Variants in KCNC1 observed in about 807,000 individuals in gnomAD.
KCNC1 encodes potassium voltage-gated channel subfamily C member 1.
KCNC1 carries 8 observed loss-of-function variants against 43.4 expected under a neutral mutation model. The ratio of observed to expected loss-of-function variants is 0.18; its 90% confidence interval spans 0.11 to 0.33. The LOEUF is 0.33. Among genes scored for constraint, KCNC1 ranks in the 10% least tolerant of loss-of-function variants. KCNC1 has a pLI of 1.00. For synonymous variants in KCNC1, 361 were observed against 360.5 expected (o/e 1.00, Z -0.01); for missense variants, 420 against 836.0 (o/e 0.50, Z 6.14).
chr11:17,761,192 C>T (rs1256156765), intron 1 of KCNC1, among the ~76,000 whole-genome samples: 4 of 152,228 alleles, frequency 2.6e-5, no homozygotes, highest in East Asian at 1.9e-4. Flanking sequence ...GCTGCACTGG[C>T]GGTTCCCACC....
At chr11:17,754,802 A>G (rs1303330671) in intron 1 of KCNC1, among the ~76,000 whole-genome samples, 1 of 152,226 alleles carries the variant, frequency 6.6e-6, no homozygotes, top group Non-Finnish European at 1.5e-5. Flanking sequence ...AGACAGTGTC[A>G]ATGCCAACAC....
In KCNC1 at chr11:17,735,920, GC is replaced by G; in HGVS notation, c.-77del. On this transcript the variant is annotated 5_prime_UTR_variant, in exon 1 of 4. Transcript: ENST00000265969. The surrounding 1 kb of genome is among the most constrained non-coding windows in gnomAD (Gnocchi z 6.7). ...GGGGGGAGGGGGGAAGAGGGCGCGC[GC>G]CCCCCTCCCCGGCGCCAACTCCCCC... The G allele has an allele frequency of 2.2e-6, 3 of 1,361,856 alleles. No individual in the cohort carries two copies. Among genetic ancestry groups the G allele is most frequent in the Non-Finnish European group, 2.8e-6 (3 of 1,060,040 alleles). The allele number at this position is 1,361,856 out of a possible 1,614,324, so 84.4% of individuals were successfully genotyped here.
Position 17,773,180 on chromosome 11 carries a change from C to G in KCNC1, c.1504+582C>G. ...ATTCCTGCCCTGATTTCGGGCTGCC[C>G]AGCTCGAGGTCCTTCCCAGGAGACG... On this transcript the variant is annotated intron_variant, in intron 2 of 3. Coordinates refer to ENST00000265969, the MANE Select transcript of KCNC1 (RefSeq NM_001112741.2). The surrounding 1 kb of genome is among the most constrained non-coding windows in gnomAD (Gnocchi z 4.1). 9.1e-6 allele frequency: 9 copies of G among 986,728 alleles called. No individual in the cohort carries two copies. Among genetic ancestry groups the G allele is most frequent in the Non-Finnish European group, 1.1e-5 (9 of 830,930 alleles). 61.1% of individuals were successfully genotyped at this position (986,728 alleles called of 1,614,324 possible).
rs1003734672 is a variant in KCNC1 at position 17,742,635 on chromosome 11, T to C, written c.570+6063T>C. Among the ~76,000 whole-genome samples the C allele has an allele frequency of 6.6e-6, 1 of 152,132 alleles. No individual in the cohort carries two copies. The highest frequency in any genetic ancestry group is 1.5e-5 in the Non-Finnish European group (1 of 68,014). ...TCCTTATTCAGGGGAACCATTTAGG[T>C]GGTAGGGACCACTTCACATATGCAT... On this transcript the variant is annotated intron_variant, in intron 1 of 3. Transcript: ENST00000265969. The surrounding 1 kb of genome is among the most constrained non-coding windows in gnomAD (Gnocchi z 4.2).
intron 1 of KCNC1, among the ~76,000 whole-genome samples, chr11:17,763,898 C>T (rs1385094176): frequency 2.8e-5 from 2 of 72,372 alleles, no homozygotes; most frequent in East Asian, 4.6e-3. Flanking sequence ...CACACCCACA[C>T]ACAAACCCCA....
intron 1 of KCNC1, among the ~76,000 whole-genome samples, chr11:17,744,927 T>A (rs1021391835): frequency 6.6e-6 from 1 of 152,098 alleles, no homozygotes; most frequent in Non-Finnish European, 1.5e-5. Flanking sequence ...TCAGCACAGC[T>A]GAGGCCACTG....
intron 1 of KCNC1, among the ~76,000 whole-genome samples, chr11:17,754,059 A>G (rs369821553): frequency 6.6e-6 from 1 of 152,214 alleles, no homozygotes; most frequent in Non-Finnish European, 1.5e-5. Context: ...ACTCATGTTC[A>G]TGGCTGGTGG....
chr11:17,763,918 C>A (rs1167273414), intron 1 of KCNC1, among the ~76,000 whole-genome samples: 1 of 129,522 alleles, frequency 7.7e-6, no homozygotes, highest in Non-Finnish European at 1.6e-5. Flanking sequence ...ACACACCACA[C>A]ATGCACATAT....
intron 1 of KCNC1, among the ~76,000 whole-genome samples, chr11:17,762,903 T>G (rs1293195298): frequency 6.6e-6 from 1 of 152,172 alleles, no homozygotes; most frequent in Non-Finnish European, 1.5e-5. Context: ...ATGACCAGGT[T>G]TCCACAAGCC....
intron 2 of KCNC1, chr11:17,775,761 GGGTGGCCGGTGGAGGGGGTGGT>G: frequency 1.0e-6 from 1 of 985,984 alleles, no homozygotes; most frequent in South Asian, 4.7e-5. Flanking sequence ...AGTGAGCAGT[GGGTGGCCGGTGGAGGGGGTGGT>G]GGTGGCCGGG....
chr11:17,768,614 G>GA (rs974163923), intron 1 of KCNC1, among the ~76,000 whole-genome samples: 2 of 99,852 alleles, frequency 2.0e-5, no homozygotes, highest in South Asian at 2.5e-4. Context: ...GATGTTGGTG[G>GA]GGGGGGGGGC....
Position 17,770,464 on chromosome 11 carries a change from G to A in KCNC1, c.571-1201G>A, listed in dbSNP as rs921877401. Among the ~76,000 whole-genome samples, 7 of 152,332 alleles carry A rather than the reference G, an allele frequency of 4.6e-5. 1 individual carries two copies. Among genetic ancestry groups the A allele is most frequent in the Admixed American group, 4.6e-4 (7 of 15,308 alleles). ...CAGGGCAGGGCCAAGGGAGGCCACA[G>A]TGTGTTAGAGTCCCGGCGGGGCTGG... On this transcript the variant is annotated intron_variant, in intron 1 of 3. Coordinates refer to ENST00000265969, the MANE Select transcript of KCNC1 (RefSeq NM_001112741.2).
intron 1 of KCNC1, among the ~76,000 whole-genome samples, chr11:17,761,245 C>T (rs528794913): frequency 6.6e-6 from 1 of 152,360 alleles, no homozygotes; most frequent in African/African-American, 2.4e-5. Context: ...CAAGTGGTAG[C>T]AGAAGCAGAA....
chr11:17,775,422 ATGGCCTCAG>A (rs1849274373), intron 2 of KCNC1: 1 of 985,360 alleles, frequency 1.0e-6, no homozygotes, highest in Non-Finnish European at 1.2e-6. Context: ...TGTGGCTGGC[ATGGCCTCAG>A]TGTCTGAGGG....
At chr11:17,749,229 A>C (rs1490611390) in intron 1 of KCNC1, among the ~76,000 whole-genome samples, 3 of 152,258 alleles carry the variant, frequency 2.0e-5, no homozygotes, top group Non-Finnish European at 4.4e-5. Context: ...GTGAGAAGGC[A>C]ATAAGTCACA....
intron 1 of KCNC1, among the ~76,000 whole-genome samples, chr11:17,748,122 T>G (rs1848922196): frequency 6.6e-6 from 1 of 152,202 alleles, no homozygotes; most frequent in African/African-American, 2.4e-5. Flanking sequence ...ATATTCTAGC[T>G]GGGCAAGATA....
At position 17,735,987 on chromosome 11, in the gene KCNC1, C is replaced by G. The variant is rs1848761165; in HGVS notation, c.-16C>G. On this transcript the variant is annotated 5_prime_UTR_variant, in exon 1 of 4. Transcript: ENST00000265969. The surrounding 1 kb of genome is among the most constrained non-coding windows in gnomAD (Gnocchi z 6.7). ...TGGGTGTCGCTGGGCCGCGCCATGC[C>G]TAAGGGGGCGCCGCGATGGGCCAAG... 2.8e-6 allele frequency: 4 copies of G among 1,444,522 alleles called. No individual in the cohort carries two copies. Among genetic ancestry groups the G allele is most frequent in the Non-Finnish European group, 3.6e-6 (4 of 1,103,002 alleles). 89.5% of individuals were successfully genotyped at this position (1,444,522 alleles called of 1,614,324 possible).
In KCNC1 at chr11:17,777,706, A is replaced by G. The variant is rs1267909688; in HGVS notation, c.1505-1750A>G. On this transcript the variant is annotated intron_variant, in intron 2 of 3. Coordinates refer to ENST00000265969, the MANE Select transcript of KCNC1 (RefSeq NM_001112741.2). This position sits in a 1 kb window ranked among gnomAD's most constrained non-coding sequence, Gnocchi z 4.3. ...TGAAGCCCCTGGGATTTGTCGAGAA[A>G]CGCACTGTACGTGAAATGCTTTGCC... 1 of 985,962 alleles carries G rather than the reference A, an allele frequency of 1.0e-6. No individual in the cohort carries two copies. The allele number at this position is 985,962 out of a possible 1,614,324, so 61.1% of individuals were successfully genotyped here. A position where few individuals can be genotyped will look rare whatever the true frequency, so the allele number is the denominator to read the frequency against.
intron 1 of KCNC1, among the ~76,000 whole-genome samples, chr11:17,759,353 C>T (rs139008522): frequency 6.6e-5 from 10 of 152,340 alleles, no homozygotes; most frequent in Admixed American, 3.3e-4. Flanking sequence ...AACACTCAAA[C>T]TTTCTATCAG....
Sources: gnomAD v4.1 joint callset for allele counts (sites outside exome capture counted in the v4.1 genomes callset) on GRCh38, gnomAD v4.1.1 for gene constraint, Gnocchi (gnomAD v3.1) non-coding constraint, MANE v1.5 for transcripts, NCBI Gene and HGNC (gene_info 2026-07-23, HGNC 2026-07-21) for gene names.